SHISA9: variants seen among roughly 807,000 people sequenced by gnomAD.
SHISA9 encodes protein shisa-9.
Under a neutral mutation model 38.0 loss-of-function variants are expected in SHISA9, and 13 were observed. The ratio of observed to expected loss-of-function variants is 0.34; its 90% CI spans 0.22 to 0.54. The LOEUF is 0.54. Ranked by LOEUF, SHISA9 falls within the 20% of genes least tolerant of loss-of-function variation. The pLI, the probability that SHISA9 is intolerant of heterozygous loss-of-function variation, is 0.91. For missense variants in SHISA9, 538 were observed against 575.8 expected, an observed-to-expected ratio of 0.93 and a Z score of 0.67; for synonymous variants, 275 against 242.0, an observed-to-expected ratio of 1.14 and a Z score of -1.27.
intron 2 of SHISA9, among the ~76,000 whole-genome samples, chr16:12,933,213 A>G (rs1474558394): frequency 6.6e-6 from 1 of 152,212 alleles, no homozygotes; most frequent in East Asian, 1.9e-4. Flanking sequence ...ATTTCCCTGC[A>G]TCGAGTCAGA....
the SHISA9 span, among the ~76,000 whole-genome samples, chr16:13,364,835 T>C: frequency 2.2e-4 from 33 of 152,348 alleles, no homozygotes; most frequent in African/African-American, 7.7e-4. Flanking sequence ...TTTGAGCATG[T>C]TGCTGGTAAC....
the SHISA9 span, among the ~76,000 whole-genome samples, chr16:13,430,863 G>A: frequency 6.6e-6 from 1 of 150,894 alleles, no homozygotes; most frequent in African/African-American, 2.4e-5. Flanking sequence ...ATGCTACAGT[G>A]AGCTATTATT....
the SHISA9 span, among the ~76,000 whole-genome samples, chr16:13,510,861 T>G: frequency 6.6e-6 from 1 of 152,178 alleles, no homozygotes; most frequent in Admixed American, 6.5e-5. Flanking sequence ...CCTTGTCATC[T>G]ACGTACTTTA....
intron 2 of SHISA9, among the ~76,000 whole-genome samples, chr16:12,984,248 C>A (rs1365052065): frequency 1.3e-5 from 2 of 151,978 alleles, no homozygotes; most frequent in Admixed American, 6.6e-5. Flanking sequence ...GTGCTGAGTG[C>A]CAGAAAGAAA....
intron 4 of SHISA9, among the ~76,000 whole-genome samples, chr16:13,230,742 T>G (rs988495408): frequency 9.2e-5 from 14 of 152,192 alleles, no homozygotes; most frequent in African/African-American, 3.4e-4. Context: ...GGTTACTCCA[T>G]AGACAGAGCA....
intron 2 of SHISA9, among the ~76,000 whole-genome samples, chr16:13,147,461 C>CTTTTTTTTTTTTTTT (rs55972023): frequency 1.5e-5 from 1 of 65,072 alleles, no homozygotes; most frequent in Non-Finnish European, 2.9e-5. Flanking sequence ...GTAAACTGAG[C>CTTTTTTTTTTTTTTT]TTTTTTTTTT....
intron 2 of SHISA9, among the ~76,000 whole-genome samples, chr16:12,926,514 G>T (rs1174826644): frequency 6.6e-6 from 1 of 152,198 alleles, no homozygotes; most frequent in Admixed American, 6.5e-5. Context: ...GTACAAGGAT[G>T]AATTAGACAT....
chr16:13,468,348 C>T, the SHISA9 span, among the ~76,000 whole-genome samples: 1 of 152,166 alleles, frequency 6.6e-6, no homozygotes, highest in African/African-American at 2.4e-5. Context: ...GGAGACCTGA[C>T]TTACTCAGAG....
At chr16:13,253,978 C>T in the SHISA9 span, among the ~76,000 whole-genome samples, 1 of 151,968 alleles carries the variant, frequency 6.6e-6, no homozygotes, top group Non-Finnish European at 1.5e-5. Context: ...TCTTCTCAAA[C>T]ATTTCTCATT....
chr16:13,489,083 G>A, the SHISA9 span, among the ~76,000 whole-genome samples: 21 of 152,102 alleles, frequency 1.4e-4, no homozygotes, highest in African/African-American at 4.8e-4. Context: ...TTTCACTCTT[G>A]CCACCTAGGC....
chr16:13,265,545 C>T, the SHISA9 span, among the ~76,000 whole-genome samples: 12 of 131,336 alleles, frequency 9.1e-5, no homozygotes, highest in East Asian at 1.6e-3. Context: ...TTCCCTTCCC[C>T]GCCCTTCCCT....
chr16:13,426,335 C>T, the SHISA9 span, among the ~76,000 whole-genome samples: 3 of 152,138 alleles, frequency 2.0e-5, no homozygotes, highest in Non-Finnish European at 4.4e-5. Context: ...GGTTAATCAG[C>T]TTCCCTAGGT....
intron 2 of SHISA9, among the ~76,000 whole-genome samples, chr16:13,047,036 T>C (rs926501298): frequency 1.3e-5 from 2 of 152,150 alleles, no homozygotes; most frequent in Non-Finnish European, 2.9e-5. Context: ...TTGGAGATGA[T>C]GGTTAGTATG....
the SHISA9 span, among the ~76,000 whole-genome samples, chr16:13,273,420 T>C: frequency 2.0e-5 from 3 of 152,104 alleles, no homozygotes; most frequent in African/African-American, 7.2e-5. Context: ...CCTGTGCTGT[T>C]CTCCTGATAG....
intron 2 of SHISA9, among the ~76,000 whole-genome samples, chr16:13,091,858 C>T (rs541366901): frequency 6.6e-6 from 1 of 152,134 alleles, no homozygotes; most frequent in Non-Finnish European, 1.5e-5. Flanking sequence ...CTAGGAACTG[C>T]GATCCTTTGG....
At chr16:13,445,219 C>G in the SHISA9 span, among the ~76,000 whole-genome samples, 1 of 151,760 alleles carries the variant, frequency 6.6e-6, no homozygotes, top group African/African-American at 2.4e-5. Context: ...TGCTTGTCTC[C>G]CTCCTATTTA....
chr16:13,324,554 G>A, the SHISA9 span, among the ~76,000 whole-genome samples: 2 of 152,052 alleles, frequency 1.3e-5, no homozygotes, highest in Non-Finnish European at 2.9e-5. Context: ...TGAGCTGCAG[G>A]GGTTGTTTTT....
intron 2 of SHISA9, among the ~76,000 whole-genome samples, chr16:13,123,739 A>C (rs145623777): frequency 1.3e-4 from 20 of 152,304 alleles, no homozygotes; most frequent in Middle Eastern, 3.4e-3. Flanking sequence ...TTAAAGAAGA[A>C]TCCAGGAAGC....
chr16:13,136,396 C>CTTTTTTT (rs35122409), intron 2 of SHISA9, among the ~76,000 whole-genome samples: 8 of 68,088 alleles, frequency 1.2e-4, no homozygotes, highest in Admixed American at 1.9e-4. Flanking sequence ...CAGTTTCCTT[C>CTTTTTTT]TTTTTTTTTT....
Sources: gnomAD v4.1 joint callset for allele counts (sites outside exome capture counted in the v4.1 genomes callset) on GRCh38, gnomAD v4.1.1 for gene constraint, MANE v1.5 for transcripts, NCBI Gene and HGNC (gene_info 2026-07-23, HGNC 2026-07-21) for gene names.